The following FBXO46 variants were observed in gnomAD, a reference collection of about 807,000 sequenced individuals.
FBXO46 encodes F-box protein 46.
In FBXO46, 13 loss-of-function variants were observed where a neutral mutation model predicts 30.7. That is an observed-to-expected ratio of 0.42 (90% confidence interval 0.28 to 0.67). FBXO46 has a LOEUF of 0.67. Ranked by LOEUF, FBXO46 falls within the 30% of genes least tolerant of loss-of-function variation. The probability of loss-of-function intolerance (pLI) is 0.21; values close to 1 mark genes in which losing one functional copy is unlikely to be tolerated. For missense variants in FBXO46, 754 were observed against 871.5 expected (o/e 0.87, Z 1.70); for synonymous variants, 467 against 385.8 (o/e 1.21, Z -2.47).
upstream of FBXO46, among the ~76,000 whole-genome samples, chr19:45,731,671 A>G (rs1968315296): frequency 6.6e-6 from 1 of 151,700 alleles, no homozygotes; most frequent in African/African-American, 2.4e-5. Flanking sequence ...CCTTAGGAGG[A>G]AGGAAAGTCC....
At chr19:45,714,426 G>A (rs1968056757) in intron 1 of FBXO46, 1 of 151,614 alleles carries the variant, frequency 6.6e-6, no homozygotes, top group African/African-American at 2.4e-5. Flanking sequence ...AAAGCTGTGT[G>A]TCCTCAGTCA....
intron 1 of FBXO46, among the ~76,000 whole-genome samples, chr19:45,724,678 G>C (rs577011001): frequency 6.6e-6 from 1 of 152,174 alleles, no homozygotes; most frequent in East Asian, 1.9e-4. Context: ...TGTTCGAGAC[G>C]GAGGCCTGCT....
In FBXO46 at chr19:45,723,418, G is replaced by A. The variant is rs568209578; in HGVS notation, c.-79+7431C>T. On this transcript the variant is annotated intron_variant, in intron 1 of 1. Coordinates refer to ENST00000317683, the MANE Select transcript of FBXO46 (RefSeq NM_001080469.2). ...AACACTTGTGGATTACTTAGGGAAT[G>A]AACGCTAATTTTCCAGAGGAGGAAA... The A allele has an allele frequency of 3.3e-5, 5 of 152,308 alleles. No individual in the cohort carries two copies. In the East Asian group the frequency reaches 9.6e-4, roughly 29 times the overall value. 9.4% of individuals were successfully genotyped at this position (152,308 alleles called of 1,614,324 possible). A position where few individuals can be genotyped will look rare whatever the true frequency, so the allele number is the denominator to read the frequency against.
At chr19:45,730,598 G>A (rs1029447250) in intron 1 of FBXO46, among the ~76,000 whole-genome samples, 15 of 151,888 alleles carry the variant, frequency 9.9e-5, no homozygotes, top group Admixed American at 5.3e-4. Context: ...CCAACTCGGG[G>A]CCCACTTCCC....
chr19:45,713,179 G>T lies in FBXO46; in HGVS notation c.317C>A (p.Ala106Asp). 6.2e-7 allele frequency: 1 copy of T among 1,613,796 alleles called. No individual in the cohort carries two copies. Among genetic ancestry groups the T allele is most frequent in the Non-Finnish European group, 8.5e-7 (1 of 1,179,846 alleles). ...CCGGCTGCCCCCACCACACTGGTGG[G>T]CCACAAAGAAGGCCACCTTCTCCTT... Reference protein sequence around the residue: ...NTKEKVAFFVAHQCGGGSRAS... With the variant: ...NTKEKVAFFVDHQCGGGSRAS... Residue 106 changes from alanine to aspartate, a missense_variant, in exon 2 of 2, where the codon GCC becomes GAC. This residue lies in a region of FBXO46 where 39 missense variants were observed against 56.5 expected (regional missense o/e 0.69). Coordinates refer to ENST00000317683, the MANE Select transcript of FBXO46 (RefSeq NM_001080469.2). The surrounding 1 kb of genome is among the most constrained non-coding windows in gnomAD (Gnocchi z 4.7).
At chr19:45,719,295 A>G in intron 1 of FBXO46, among the ~76,000 whole-genome samples, 1 of 152,114 alleles carries the variant, frequency 6.6e-6, no homozygotes, top group Admixed American at 6.6e-5. Flanking sequence ...ATAAACTGAC[A>G]AAAGCAATGG....
At position 45,712,748 on chromosome 19, in the gene FBXO46, C is replaced by T; in HGVS notation, c.748G>A (p.Glu250Lys). 16 of 1,611,580 alleles carry T rather than the reference C, an allele frequency of 9.9e-6. No homozygotes were observed. Among genetic ancestry groups the T allele is most frequent in the Non-Finnish European group, 1.3e-5 (15 of 1,178,836 alleles). ...SPPTKGLRKE[E>K]RPGPGPGEVR... ...TCCCCAGGGCCTGGCCCGGGCCGCT[C>T]TTCCTTGCGGAGGCCCTTGGTGGGA... is the stretch of plus-strand genomic sequence containing the variant. Residue 250 changes from glutamate to lysine, a missense_variant, in exon 2 of 2, where the codon GAG (glutamate) becomes AAG (lysine). Coordinates refer to ENST00000317683, the MANE Select transcript of FBXO46 (RefSeq NM_001080469.2). The surrounding 1 kb of genome is among the most constrained non-coding windows in gnomAD (Gnocchi z 8.8).
chr19:45,713,642 C>G lies in FBXO46; in HGVS notation c.-78-69G>C. The G allele has an allele frequency of 3.0e-6, 2 of 657,612 alleles. No individual in the cohort carries two copies. The highest frequency in any genetic ancestry group is 5.2e-6 in the Non-Finnish European group (2 of 383,264). 40.7% of individuals were successfully genotyped at this position (657,612 alleles called of 1,614,324 possible). A position where few individuals can be genotyped will look rare whatever the true frequency, so the allele number is the denominator to read the frequency against. On this transcript the variant is annotated intron_variant, in intron 1 of 1. Coordinates refer to ENST00000317683, the MANE Select transcript of FBXO46 (RefSeq NM_001080469.2). The surrounding 1 kb of genome is among the most constrained non-coding windows in gnomAD (Gnocchi z 4.7). ...TTCTTCCCAGGACCACCCCAACCTC[C>G]ACCTCTCCTTAGACCAAACCAGACC...
intron 1 of FBXO46, among the ~76,000 whole-genome samples, chr19:45,725,210 A>G (rs1306983206): frequency 2.6e-5 from 4 of 152,030 alleles, no homozygotes; most frequent in African/African-American, 9.7e-5. Context: ...TGAGCTCAGG[A>G]GATCGAGACC....
In FBXO46 at chr19:45,713,538, A is replaced by C; in HGVS notation, c.-43T>G. 2 of 1,481,420 alleles carry C rather than the reference A, an allele frequency of 1.4e-6. No homozygotes were observed. The highest frequency in any genetic ancestry group is 1.8e-6 in the Non-Finnish European group (2 of 1,103,354). 91.8% of individuals were successfully genotyped at this position (1,481,420 alleles called of 1,614,324 possible). A position where few individuals can be genotyped will look rare whatever the true frequency, so the allele number is the denominator to read the frequency against. ...GACAGGCTGGGCTTCAGCGCATCTCAGGACCTAGGTGGTGGTGGGAGGCTC... is the reference window on the plus strand; with the variant it reads ...GACAGGCTGGGCTTCAGCGCATCTCCGGACCTAGGTGGTGGTGGGAGGCTC... On this transcript the variant is annotated 5_prime_UTR_variant, in exon 2 of 2. The change abolishes the stop of an existing upstream ORF in the 5' untranslated region. Transcript: ENST00000317683. This position sits in a 1 kb window ranked among gnomAD's most constrained non-coding sequence, Gnocchi z 4.7.
chr19:45,728,840 T>C (rs555817814), intron 1 of FBXO46, among the ~76,000 whole-genome samples: 119 of 151,754 alleles, frequency 7.8e-4, no homozygotes, highest in African/African-American at 2.5e-3. Flanking sequence ...ACCCTGTCTT[T>C]AAAAAAATAA....
Position 45,711,711 on chromosome 19 carries a change from GC to G in FBXO46, c.1784del (p.Gly595AlafsTer47). ...WVLPCNGPGG[G>X]RAGREEGR ...ACCTCCCCTCCTCCCGGCCGGCCCG[GC>G]CCCCGCCTGGCCCATTGCAGGGCAG... On this transcript the variant is annotated frameshift_variant, in exon 2 of 2. Coordinates refer to ENST00000317683, the MANE Select transcript of FBXO46 (RefSeq NM_001080469.2). LOFTEE classifies it high-confidence loss of function. 1 of 1,531,088 alleles carries G rather than the reference GC, an allele frequency of 6.5e-7. No homozygotes were observed. 94.8% of individuals were successfully genotyped at this position (1,531,088 alleles called of 1,614,324 possible).
Position 45,711,442 on chromosome 19 carries a change from TAAAA to T in FBXO46, c.*238_*241del. The stretch of plus-strand genomic sequence containing the variant: ...AATGGAGAAGAAAGTGAGATGCTGA[TAAAA>T]AAAAAAAAAACACCCTTCTCAGAGG... On this transcript the variant is annotated 3_prime_UTR_variant, in exon 2 of 2. Coordinates refer to ENST00000317683, the MANE Select transcript of FBXO46 (RefSeq NM_001080469.2). The T allele has an allele frequency of 3.3e-6, 2 of 606,558 alleles. No homozygotes were observed. The highest frequency in any genetic ancestry group is 6.0e-6 in the Non-Finnish European group (2 of 333,250). 37.6% of individuals were successfully genotyped at this position (606,558 alleles called of 1,614,324 possible). A position where few individuals can be genotyped will look rare whatever the true frequency, so the allele number is the denominator to read the frequency against.
intron 1 of FBXO46, among the ~76,000 whole-genome samples, chr19:45,718,513 G>C (rs1258562685): frequency 6.6e-6 from 1 of 152,044 alleles, no homozygotes; most frequent in Non-Finnish European, 1.5e-5. Context: ...AAGTTACCGG[G>C]CTCTTGCCTT....
chr19:45,711,662 TCTCCCCTCCCCTCCCCCGGCTTCAC>T lies in FBXO46; in HGVS notation c.1809_*21del, dbSNP rs1568543795. 1 of 1,510,298 alleles carries T rather than the reference TCTCCCCTCCCCTCCCCCGGCTTCAC, an allele frequency of 6.6e-7. No individual in the cohort carries two copies. The highest frequency in any genetic ancestry group is 1.2e-5 in the South Asian group (1 of 83,440). 93.6% of individuals were successfully genotyped at this position (1,510,298 alleles called of 1,614,324 possible). A position where few individuals can be genotyped will look rare whatever the true frequency, so the allele number is the denominator to read the frequency against. On this transcript the variant is annotated stop_lost and 3_prime_UTR_variant, in exon 2 of 2. Transcript: ENST00000317683. ...GAGGGGAGGGGTGGGCGTGGTGGGCTCTCCCCTCCCCTCCCCCGGCTTCACCTCCCCTCCTCCCGGCCGGCCCGGC... is the reference window on the plus strand; with the variant it reads ...GAGGGGAGGGGTGGGCGTGGTGGGCTCTCCCCTCCTCCCGGCCGGCCCGGC...
chr19:45,726,376 G>A (rs575341803), intron 1 of FBXO46, among the ~76,000 whole-genome samples: 5 of 151,952 alleles, frequency 3.3e-5, no homozygotes, highest in South Asian at 2.1e-4. Flanking sequence ...GGCTGGGCAC[G>A]GTGGCTCACA....
rs1967948031 is a variant in FBXO46, at chr19:45,711,004, G to C, written c.*680C>G. 1 of 233,454 alleles carries C rather than the reference G, an allele frequency of 4.3e-6. No individual in the cohort carries two copies. Among genetic ancestry groups the C allele is most frequent in the Admixed American group, 5.7e-5 (1 of 17,484 alleles). The allele number at this position is 233,454 out of a possible 1,614,324, so 14.5% of individuals were successfully genotyped here. Reference sequence around the variant, plus strand: ...GTAGCTTAAATAATAACGGGAGGAGGAGGGTTTTTATACTTCAGCTTTTTT... The same window carrying C: ...GTAGCTTAAATAATAACGGGAGGAGCAGGGTTTTTATACTTCAGCTTTTTT... On this transcript the variant is annotated 3_prime_UTR_variant, in exon 2 of 2. Coordinates refer to ENST00000317683, the MANE Select transcript of FBXO46 (RefSeq NM_001080469.2).
At position 45,713,019 on chromosome 19, in the gene FBXO46, G is replaced by T; in HGVS notation, c.477C>A (p.Gly159=). The change falls in exon 2 of 2, where the codon GGC becomes GGA. Residue 159 remains glycine (G), a synonymous_variant. Transcript: ENST00000317683. This position sits in a 1 kb window ranked among gnomAD's most constrained non-coding sequence, Gnocchi z 4.7. The part of the protein sequence containing the change: ...GREGPPAAEE[G]PASAGEDVDL... ...CCACGTCCTCACCGGCTGAGGCGGG[G>T]CCCTCCTCAGCAGCAGGGGGGCCCT... The T allele has an allele frequency of 1.9e-6, 3 of 1,555,272 alleles. No homozygotes were observed. The highest frequency in any genetic ancestry group is 2.6e-6 in the Non-Finnish European group (3 of 1,151,998).
At chr19:45,716,898 A>G (rs1968098043) in intron 1 of FBXO46, 1 of 152,142 alleles carries the variant, frequency 6.6e-6, no homozygotes, top group Non-Finnish European at 1.5e-5. Flanking sequence ...TAAGACAGGT[A>G]GGAAGTCAAG....
Sources: allele counts gnomAD v4.1 joint callset (sites outside exome capture counted in the v4.1 genomes callset), GRCh38; gene constraint gnomAD v4.1.1; regional missense constraint gnomAD v4.1.1; non-coding constraint Gnocchi (gnomAD v3.1); transcripts MANE v1.5; gene names NCBI Gene and HGNC (gene_info 2026-07-23, HGNC 2026-07-21).